Variants in ERI3 observed in about 807,000 individuals in gnomAD.
ERI3 encodes ERI1 exoribonuclease 3.
Under a neutral mutation model 44.4 loss-of-function variants are expected in ERI3, and 18 were observed. The ratio of observed to expected loss-of-function variants is 0.41; its 90% CI spans 0.28 to 0.60. The LOEUF is 0.60. ERI3 is among the 20% of genes least tolerant of loss of function. The probability of loss-of-function intolerance (pLI) is 0.36; values close to 1 mark genes in which losing one functional copy is unlikely to be tolerated. For missense variants in ERI3, 294 were observed against 435.5 expected, an observed-to-expected ratio of 0.68 and a Z score of 2.89; for synonymous variants, 183 against 164.8, an observed-to-expected ratio of 1.11 and a Z score of -0.84.
chr1:44,319,504 C>T, intron 4 of ERI3, 124 bp downstream of exon 4: 1 of 663,176 alleles, frequency 1.5e-6, no homozygotes, highest in Admixed American at 2.5e-5. Context: ...ACTGCTAGGT[C>T]TAGTGTGCAC....
chr1:44,240,261 G>C (rs1324112399), intron 8 of ERI3, among the ~76,000 whole-genome samples: 1 of 152,300 alleles, frequency 6.6e-6, no homozygotes, highest in Non-Finnish European at 1.5e-5. Flanking sequence ...CACAGCTCCT[G>C]AGAGCAGGGC....
chr1:44,268,956 G>A (rs987845458), intron 7 of ERI3, among the ~76,000 whole-genome samples: 1 of 152,180 alleles, frequency 6.6e-6, no homozygotes, highest in African/African-American at 2.4e-5. Context: ...AATGTGACAA[G>A]TGACAGCTAT....
intron 7 of ERI3, among the ~76,000 whole-genome samples, chr1:44,251,511 G>A (rs557724896): frequency 9.5e-4 from 144 of 152,346 alleles, no homozygotes; most frequent in Admixed American, 3.1e-3. Context: ...ATCAGAGCAG[G>A]AGGATCAGCA....
intron 7 of ERI3, among the ~76,000 whole-genome samples, chr1:44,255,289 C>G (rs1055428492): frequency 2.0e-5 from 3 of 152,198 alleles, no homozygotes; most frequent in Admixed American, 6.5e-5. Flanking sequence ...CATGCTGCCC[C>G]ACATCTGTGG....
rs531726444 is a variant in ERI3, at chr1:44,263,793, T to C, written c.832-15755A>G. Among the ~76,000 whole-genome samples, 20 of 152,330 alleles carry C rather than the reference T, an allele frequency of 1.3e-4. No homozygotes were observed. In the South Asian group the frequency reaches 3.9e-3, roughly 30 times the overall value. On this transcript the variant is annotated intron_variant, in intron 7 of 8. Coordinates refer to ENST00000372257, the MANE Select transcript of ERI3 (RefSeq NM_024066.3). Reference sequence around the variant, plus strand: ...TTGCCCCTCCCCTGGCCTTGCTTCCTCTAACTCTTCTAGCCCTCTCTGAGC... The same window carrying C: ...TTGCCCCTCCCCTGGCCTTGCTTCCCCTAACTCTTCTAGCCCTCTCTGAGC...
At chr1:44,267,872 C>T (rs950767565) in intron 7 of ERI3, among the ~76,000 whole-genome samples, 1 of 152,220 alleles carries the variant, frequency 6.6e-6, no homozygotes, top group African/African-American at 2.4e-5. Flanking sequence ...GGAGGGCCAC[C>T]CTCTTTTCCA....
rs942633833 is a variant in ERI3, at chr1:44,247,842, G to A, written c.931+97C>T. The A allele has an allele frequency of 1.4e-5, 14 of 967,062 alleles. No homozygotes were observed. In the African/African-American group the frequency reaches 2.3e-4, roughly 16 times the overall value. The allele number at this position is 967,062 out of a possible 1,614,324, so 59.9% of individuals were successfully genotyped here. A position where few individuals can be genotyped will look rare whatever the true frequency, so the allele number is the denominator to read the frequency against. ...ATGTAGAGAGCCCTGTTGGGGCACT[G>A]AATGAGCCATGGAAACTCTCTATGT... On this transcript the variant is annotated intron_variant, in intron 8 of 8. Coordinates refer to ENST00000372257, the MANE Select transcript of ERI3 (RefSeq NM_024066.3).
At chr1:44,276,982 T>C (rs1259446722) in intron 7 of ERI3, among the ~76,000 whole-genome samples, 3 of 152,222 alleles carry the variant, frequency 2.0e-5, no homozygotes, top group Admixed American at 1.3e-4. Context: ...TCCTCAACAC[T>C]GCATAGAAAT....
intron 4 of ERI3, among the ~76,000 whole-genome samples, chr1:44,314,319 C>T (rs161726): frequency 0.57 from 86,583 of 151,924 alleles, 26,491 homozygotes; most frequent in East Asian, 0.74. Flanking sequence ...ATTTTAAAAA[C>T]GCTGAGCTCC....
chr1:44,233,215 T>C (rs766758268), intron 8 of ERI3, among the ~76,000 whole-genome samples: 1 of 152,108 alleles, frequency 6.6e-6, no homozygotes, highest in African/African-American at 2.4e-5. Flanking sequence ...CCTTCACCCA[T>C]AGTGACAATT....
At chr1:44,354,620 T>C (rs1433326968) in intron 1 of ERI3, 1 of 985,166 alleles carries the variant, frequency 1.0e-6, no homozygotes, top group Non-Finnish European at 1.2e-6. Context: ...CTACCCACAA[T>C]CTCCATGCTC....
intron 7 of ERI3, among the ~76,000 whole-genome samples, chr1:44,259,689 G>GACACACACAGACACAC (rs1644849043): frequency 7.1e-6 from 1 of 140,282 alleles, no homozygotes; most frequent in Non-Finnish European, 1.5e-5. Flanking sequence ...AAAACACACA[G>GACACACACAGACACAC]ACACACACAC....
intron 7 of ERI3, among the ~76,000 whole-genome samples, chr1:44,261,109 T>C (rs1644884392): frequency 6.6e-6 from 1 of 152,346 alleles, no homozygotes; most frequent in Admixed American, 6.5e-5. Context: ...CACAGTCCTT[T>C]GAGAACTCGA....
intron 6 of ERI3, among the ~76,000 whole-genome samples, chr1:44,289,421 C>T (rs1645458259): frequency 6.6e-6 from 1 of 152,214 alleles, no homozygotes; most frequent in African/African-American, 2.4e-5. Flanking sequence ...CAAGCCCTAC[C>T]CTCAGACCCT....
chr1:44,338,905 G>A, intron 3 of ERI3, 140 bp downstream of exon 3: 1 of 1,067,500 alleles, frequency 9.4e-7, no homozygotes, highest in Non-Finnish European at 1.4e-6. Context: ...AACAAGTCCT[G>A]CTTCCTAGAC....
Position 44,221,712 on chromosome 1 carries a change from G to A in ERI3, c.932-72C>T, listed in dbSNP as rs577051904. The A allele has an allele frequency of 5.6e-6, 7 of 1,256,690 alleles. No individual in the cohort carries two copies. The highest frequency in any genetic ancestry group is 4.7e-6 in the Non-Finnish European group (4 of 859,188). 77.8% of individuals were successfully genotyped at this position (1,256,690 alleles called of 1,614,324 possible). A position where few individuals can be genotyped will look rare whatever the true frequency, so the allele number is the denominator to read the frequency against. On this transcript the variant is annotated intron_variant, in intron 8 of 8. Transcript: ENST00000372257. This position sits in a 1 kb window ranked among gnomAD's most constrained non-coding sequence, Gnocchi z 5.9. ...CCATGCCCACAGGTGCTCTTACAAG[G>A]GTGGGGGTGGGAAGCAGGGTCAGAT...
chr1:44,287,204 G>A (rs961811385), intron 6 of ERI3, among the ~76,000 whole-genome samples: 18 of 152,354 alleles, frequency 1.2e-4, no homozygotes, highest in African/African-American at 3.8e-4. Flanking sequence ...TAATCTTGGC[G>A]AAAGGGGCAT....
chr1:44,248,241 GCTTCTCCCCATCT>G (rs1644596548), intron 7 of ERI3, among the ~76,000 whole-genome samples: 1 of 151,962 alleles, frequency 6.6e-6, no homozygotes, highest in East Asian at 1.9e-4. Context: ...TTTCTCCTGG[GCTTCTCCCCATCT>G]GAGTCCCTGG....
chr1:44,239,675 C>T (rs924432394), intron 8 of ERI3, among the ~76,000 whole-genome samples: 3 of 152,222 alleles, frequency 2.0e-5, no homozygotes, highest in African/African-American at 7.2e-5. Context: ...TGGGGTGCCC[C>T]CTGTGGGCAG....
Sources: gnomAD v4.1 joint callset for allele counts (sites outside exome capture counted in the v4.1 genomes callset) on GRCh38, gnomAD v4.1.1 for gene constraint, Gnocchi (gnomAD v3.1) non-coding constraint, MANE v1.5 for transcripts, NCBI Gene and HGNC (gene_info 2026-07-23, HGNC 2026-07-21) for gene names.